Variants in UNC5C observed in about 807,000 individuals in gnomAD.
UNC5C encodes the protein netrin receptor UNC5C.
UNC5C carries 47 observed loss-of-function variants against 99.8 expected under a neutral mutation model. That is an observed-to-expected ratio of 0.47 (90% confidence interval 0.37 to 0.60). UNC5C has a LOEUF of 0.60. Among genes scored for constraint, UNC5C ranks in the 20% least tolerant of loss-of-function variants. The probability of loss-of-function intolerance (pLI) is 0.00; values close to 1 mark genes in which losing one functional copy is unlikely to be tolerated. For synonymous variants in UNC5C, 487 were observed against 452.2 expected, an observed-to-expected ratio of 1.08 and a Z score of -0.98; for missense variants, 1,062 against 1,165.9, an observed-to-expected ratio of 0.91 and a Z score of 1.30.
At position 95,475,213 on chromosome 4, in the gene UNC5C, C is replaced by T. The variant is rs191855728; in HGVS notation, c.124+73521G>A. 5.6e-3 allele frequency among the ~76,000 whole-genome samples: 857 copies of T among 152,128 alleles called. 3 individuals carry two copies. The highest frequency in any genetic ancestry group is 9.6e-3 in the Non-Finnish European group (652 of 67,982). On this transcript the variant is annotated intron_variant, in intron 1 of 15. Transcript: ENST00000453304. ...TTAAGGGGTGTCTTTATACTCTCTC[C>T]TCTTGACTAAGATGATGAAAACCAC...
chr4:95,202,626 C>T, intron 12 of UNC5C, 105 bp downstream of exon 12: 1 of 1,122,394 alleles, frequency 8.9e-7, no homozygotes, highest in South Asian at 1.5e-5. Context: ...CGTGTCCACA[C>T]ACTTGGGTGC....
intron 1 of UNC5C, among the ~76,000 whole-genome samples, chr4:95,420,270 TTTG>T (rs1312615464): frequency 6.6e-6 from 1 of 152,168 alleles, no homozygotes; most frequent in Non-Finnish European, 1.5e-5. Context: ...CTTGTTATTT[TTTG>T]TTGTTACATT....
chr4:95,348,402 C>T (rs917642604), intron 1 of UNC5C, among the ~76,000 whole-genome samples: 1 of 151,392 alleles, frequency 6.6e-6, no homozygotes, highest in African/African-American at 2.4e-5. Context: ...TCAAGCAATC[C>T]CACTGCTAAG....
At chr4:95,176,735 G>A (rs1358316604) in intron 14 of UNC5C, among the ~76,000 whole-genome samples, 3 of 152,368 alleles carry the variant, frequency 2.0e-5, no homozygotes, top group Non-Finnish European at 1.5e-5. Context: ...GCCTGCAGAG[G>A]CAGGCAGGCC....
At chr4:95,299,608 C>T (rs1741795697) in intron 3 of UNC5C, among the ~76,000 whole-genome samples, 1 of 152,134 alleles carries the variant, frequency 6.6e-6, no homozygotes. Context: ...TTAATGGACT[C>T]ACAGTTCCAC....
At chr4:95,543,188 G>C (rs561253127) in intron 1 of UNC5C, among the ~76,000 whole-genome samples, 1 of 151,930 alleles carries the variant, frequency 6.6e-6, no homozygotes, top group Admixed American at 6.6e-5. Context: ...TCCATACATA[G>C]GTTTAAGAAA....
intron 1 of UNC5C, among the ~76,000 whole-genome samples, chr4:95,386,091 A>G (rs1279717082): frequency 2.6e-5 from 4 of 152,128 alleles, no homozygotes; most frequent in Non-Finnish European, 5.9e-5. Context: ...CAGCCATTGT[A>G]ACCTGCAGTC....
intron 1 of UNC5C, among the ~76,000 whole-genome samples, chr4:95,370,713 A>G (rs1744721625): frequency 6.6e-6 from 1 of 152,194 alleles, no homozygotes; most frequent in Non-Finnish European, 1.5e-5. Context: ...AAACTGCACC[A>G]CCCATTGTGG....
intron 2 of UNC5C, among the ~76,000 whole-genome samples, chr4:95,333,447 C>A (rs1171265986): frequency 6.6e-6 from 1 of 151,838 alleles, no homozygotes; most frequent in Non-Finnish European, 1.5e-5. Flanking sequence ...TGGAAATCAT[C>A]ATTCTCAGTA....
At chr4:95,237,394 A>G (rs1358239226) in intron 7 of UNC5C, among the ~76,000 whole-genome samples, 2 of 152,212 alleles carry the variant, frequency 1.3e-5, no homozygotes, top group African/African-American at 4.8e-5. Flanking sequence ...CCACTTAACT[A>G]CACATTTGTT....
At chr4:95,183,489 A>C (rs1034499918) in intron 13 of UNC5C, among the ~76,000 whole-genome samples, 2 of 152,216 alleles carry the variant, frequency 1.3e-5, no homozygotes, top group African/African-American at 4.8e-5. Context: ...AAGCAAAGAA[A>C]GTCTAAAGGA....
chr4:95,372,619 C>T (rs539116869), intron 1 of UNC5C, among the ~76,000 whole-genome samples: 9 of 152,216 alleles, frequency 5.9e-5, no homozygotes, highest in African/African-American at 1.9e-4. Flanking sequence ...TTCTTTGGCC[C>T]TGTTTGGGTA....
chr4:95,374,385 G>A (rs1203796972), intron 1 of UNC5C, among the ~76,000 whole-genome samples: 1 of 152,092 alleles, frequency 6.6e-6, no homozygotes, highest in Non-Finnish European at 1.5e-5. Flanking sequence ...AGTGTCACGG[G>A]TTTTCAATGA....
chr4:95,424,340 A>G (rs1746401936), intron 1 of UNC5C, among the ~76,000 whole-genome samples: 1 of 151,622 alleles, frequency 6.6e-6, no homozygotes, highest in Admixed American at 6.6e-5. Flanking sequence ...GTGTCTGTGT[A>G]TATATACACA....
At chr4:95,313,893 C>A (rs569334212) in intron 2 of UNC5C, among the ~76,000 whole-genome samples, 1 of 152,140 alleles carries the variant, frequency 6.6e-6, no homozygotes, top group Admixed American at 6.5e-5. Flanking sequence ...CTGCTCTGTA[C>A]GTATTGGCTG....
intron 2 of UNC5C, among the ~76,000 whole-genome samples, chr4:95,328,040 CT>C (rs34794058): frequency 0.012 from 1,035 of 87,074 alleles, 8 homozygotes; most frequent in African/African-American, 0.036. Flanking sequence ...CAGGCAACTT[CT>C]TTTTTTTTTT....
chr4:95,214,262 G>C (rs562990038), intron 10 of UNC5C, among the ~76,000 whole-genome samples: 45 of 152,244 alleles, frequency 3.0e-4, no homozygotes, highest in Admixed American at 1.8e-3. Flanking sequence ...TTTGTTTCTT[G>C]GTTCATGGTC....
rs562028854 is a variant in UNC5C at position 95,212,422 on chromosome 4, C to T, written c.1733+3702G>A. ...GGTTTGTCTGTCTACCCTTACAAAC[C>T]TTCGTACTTTCATTAGGAAATATTC... On this transcript the variant is annotated intron_variant, in intron 10 of 15. Transcript: ENST00000453304. Among the ~76,000 whole-genome samples the T allele has an allele frequency of 3.9e-5, 6 of 152,184 alleles. No homozygotes were observed. In the South Asian group the frequency reaches 1.2e-3, roughly 32 times the overall value.
At chr4:95,243,872 G>C (rs538560975) in intron 6 of UNC5C, among the ~76,000 whole-genome samples, 16 of 152,140 alleles carry the variant, frequency 1.1e-4, no homozygotes, top group African/African-American at 3.9e-4. Flanking sequence ...AACTCTAATT[G>C]ATCAGTGCAT....
Sources: gnomAD v4.1 joint callset for allele counts (sites outside exome capture counted in the v4.1 genomes callset) on GRCh38, gnomAD v4.1.1 for gene constraint, MANE v1.5 for transcripts, NCBI Gene and HGNC (gene_info 2026-07-23, HGNC 2026-07-21) for gene names.